Variants in STK32A observed in about 807,000 individuals in gnomAD.
STK32A encodes the protein serine/threonine-protein kinase 32A.
Under a neutral mutation model 53.2 loss-of-function variants are expected in STK32A, and 41 were observed. That is an observed-to-expected ratio of 0.77 (90% confidence interval 0.60 to 1.00). STK32A has a LOEUF of 1.00. Ranked by LOEUF, STK32A falls within the 50% of genes least tolerant of loss-of-function variation. The pLI is 0.00. For missense variants in STK32A, 458 were observed against 485.8 expected (o/e 0.94, Z 0.54); for synonymous variants, 166 against 162.8 (o/e 1.02, Z -0.15).
At chr5:147,272,842 T>C (rs1325834766) in intron 2 of STK32A, among the ~76,000 whole-genome samples, 1 of 152,230 alleles carries the variant, frequency 6.6e-6, no homozygotes, top group East Asian at 1.9e-4. Flanking sequence ...ACATTGTTAT[T>C]TGAAAGATTG....
intron 3 of STK32A, among the ~76,000 whole-genome samples, chr5:147,278,631 A>AT (rs1389457068): frequency 2.0e-5 from 3 of 151,828 alleles, no homozygotes; most frequent in South Asian, 4.2e-4. Context: ...ATTCAGTTTA[A>AT]TTTTTTTTGC....
intron 4 of STK32A, among the ~76,000 whole-genome samples, chr5:147,285,016 C>A (rs974595930): frequency 6.6e-6 from 1 of 152,060 alleles, no homozygotes; most frequent in Non-Finnish European, 1.5e-5. Context: ...GCAAAAAGAT[C>A]AAATCTGGAG....
chr5:147,372,613 T>C (rs567873198), intron 9 of STK32A, among the ~76,000 whole-genome samples: 2 of 152,154 alleles, frequency 1.3e-5, no homozygotes, highest in African/African-American at 4.8e-5. Flanking sequence ...TCAGGAATGG[T>C]TAAGGGGGCA....
intron 2 of STK32A, among the ~76,000 whole-genome samples, chr5:147,267,969 G>T (rs757571042): frequency 6.6e-6 from 1 of 152,056 alleles, no homozygotes; most frequent in Non-Finnish European, 1.5e-5. Context: ...CTAGTTCTAG[G>T]CAGCCTTTAA....
At chr5:147,395,735 A>G in the STK32A span, 1 of 1,613,318 alleles carries the variant, frequency 6.2e-7, no homozygotes, top group Admixed American at 1.7e-5. Flanking sequence ...CAGCCAGAGA[A>G]GAGCATGTCA....
chr5:147,347,064 C>T (rs1364503901), intron 6 of STK32A, among the ~76,000 whole-genome samples: 4 of 152,168 alleles, frequency 2.6e-5, no homozygotes, highest in Admixed American at 6.5e-5. Context: ...TAAGGATATA[C>T]ATTTTCAGCA....
chr5:147,380,324 G>A lies in STK32A; in HGVS notation c.1033-3117G>A, dbSNP rs191385559. Reference sequence around the variant, plus strand: ...AATGCTTCCGTTTGCAAGTAAGAGTGAAATACAGCAGAACTGTGTCTTCTC... The same window carrying A: ...AATGCTTCCGTTTGCAAGTAAGAGTAAAATACAGCAGAACTGTGTCTTCTC... On this transcript the variant is annotated intron_variant, in intron 11 of 12. Coordinates refer to ENST00000397936, the MANE Select transcript of STK32A (RefSeq NM_001112724.2). Among the ~76,000 whole-genome samples the A allele has an allele frequency of 6.1e-3, 925 of 152,220 alleles. 6 individuals are homozygous for A. Among genetic ancestry groups the A allele is most frequent in the South Asian group, 0.022 (104 of 4,818 alleles).
At chr5:147,278,758 G>A (rs1751892410) in intron 3 of STK32A, among the ~76,000 whole-genome samples, 1 of 152,106 alleles carries the variant, frequency 6.6e-6, no homozygotes, top group African/African-American at 2.4e-5. Flanking sequence ...ACTTTTTCAG[G>A]CATTATACAG....
At chr5:147,306,139 G>A (rs1753393957) in intron 4 of STK32A, among the ~76,000 whole-genome samples, 3 of 151,890 alleles carry the variant, frequency 2.0e-5, no homozygotes, top group African/African-American at 4.8e-5. Flanking sequence ...ATTTAACTCT[G>A]GGTGTTCCAG....
intron 6 of STK32A, 101 bp downstream of exon 6, chr5:147,343,144 C>A (rs1755521182): frequency 7.6e-7 from 1 of 1,323,100 alleles, no homozygotes; most frequent in East Asian, 2.3e-5. Flanking sequence ...GTATTTTGTT[C>A]TATTCATTCG....
rs72833305 is a variant in STK32A, at chr5:147,359,256, C to T, written c.563-2261C>T. Among the ~76,000 whole-genome samples, 521 of 152,150 alleles carry T rather than the reference C, an allele frequency of 3.4e-3. 1 individual carries two copies. Among genetic ancestry groups the T allele is most frequent in the Non-Finnish European group, 5.6e-3 (380 of 67,998 alleles). ...CTATTTGAGGGCTCAAATAATTACT[C>T]GTCTGTTATGTTTTTGTATGTTGTC... is the stretch of plus-strand genomic sequence containing the variant. On this transcript the variant is annotated intron_variant, in intron 7 of 12. Transcript: ENST00000397936.
chr5:147,257,379 TAGAG>T (rs1376231320), intron 2 of STK32A, among the ~76,000 whole-genome samples: 2 of 151,960 alleles, frequency 1.3e-5, no homozygotes, highest in East Asian at 3.9e-4. Context: ...TTTTCTGAAA[TAGAG>T]AGGTGTCTTT....
chr5:147,394,110 A>G, the STK32A span: 1 of 1,614,036 alleles, frequency 6.2e-7, no homozygotes, highest in Non-Finnish European at 8.5e-7. Context: ...GAACCCCCTC[A>G]TCCACTTGGG....
intron 1 of STK32A, 70 bp from the exon 2 acceptor site, chr5:147,239,469 G>C (rs535343478): frequency 2.4e-5 from 13 of 538,628 alleles, no homozygotes; most frequent in Middle Eastern, 3.0e-4. Flanking sequence ...TTATGTTTCC[G>C]CCACAGTCTA....
At chr5:147,373,547 T>G (rs561198930) in intron 10 of STK32A, among the ~76,000 whole-genome samples, 4 of 152,118 alleles carry the variant, frequency 2.6e-5, no homozygotes, top group Admixed American at 1.3e-4. Flanking sequence ...TAACCACTTT[T>G]TATGGTCTGT....
chr5:147,377,965 T>C lies in STK32A; in HGVS notation c.1032+2747T>C, dbSNP rs76275745. Among the ~76,000 whole-genome samples the C allele has an allele frequency of 3.3e-5, 5 of 152,260 alleles. No individual in the cohort carries two copies. The East Asian group carries it at 7.7e-4, about 24-fold the overall frequency. On this transcript the variant is annotated intron_variant, in intron 11 of 12. Coordinates refer to ENST00000397936, the MANE Select transcript of STK32A (RefSeq NM_001112724.2). Reference sequence around the variant, plus strand: ...AGGTACTTTGCTTCAAAACAAAGAATAGTCTTTCTTCCAAGAAGAATCAGA... The same window carrying C: ...AGGTACTTTGCTTCAAAACAAAGAACAGTCTTTCTTCCAAGAAGAATCAGA...
chr5:147,270,668 C>A (rs62377688), intron 2 of STK32A, among the ~76,000 whole-genome samples: 12,002 of 152,110 alleles, frequency 0.079, 577 homozygotes, highest in Admixed American at 0.13. Flanking sequence ...TATACAAAAG[C>A]AGTTTGCTGA....
intron 2 of STK32A, among the ~76,000 whole-genome samples, chr5:147,270,331 G>T (rs1244676656): frequency 2.6e-5 from 4 of 151,912 alleles, no homozygotes; most frequent in Non-Finnish European, 5.9e-5. Flanking sequence ...TCCCATCTTA[G>T]CCTCCCAAGT....
Position 147,249,650 on chromosome 5 carries a change from C to T in STK32A, c.52+9964C>T, listed in dbSNP as rs143353553. On this transcript the variant is annotated intron_variant, in intron 2 of 12. Coordinates refer to ENST00000397936, the MANE Select transcript of STK32A (RefSeq NM_001112724.2). ...CTATTGTGCTGGGTGCAGTGGTTCA[C>T]GCCTGCAATCCCAGCACTTTGGGAG... Among the ~76,000 whole-genome samples the T allele has an allele frequency of 7.0e-3, 1,065 of 152,046 alleles. 13 individuals are homozygous for T. Among genetic ancestry groups the T allele is most frequent in the African/African-American group, 0.024 (990 of 41,484 alleles).
Sources: gnomAD v4.1 joint callset for allele counts (sites outside exome capture counted in the v4.1 genomes callset) on GRCh38, gnomAD v4.1.1 for gene constraint, MANE v1.5 for transcripts, NCBI Gene and HGNC (gene_info 2026-07-23, HGNC 2026-07-21) for gene names.